The following CCDC7 variants were observed in gnomAD, a reference collection of about 807,000 sequenced individuals.
The protein encoded by CCDC7 is coiled-coil domain-containing protein 7.
In CCDC7, 183 loss-of-function variants were observed where a neutral mutation model predicts 196.9. That is an observed-to-expected ratio of 0.93 (90% CI 0.82 to 1.05). The LOEUF is 1.05. Among genes scored for constraint, CCDC7 ranks in the 50% least tolerant of loss-of-function variants. CCDC7 has a pLI of 0.00. For missense variants in CCDC7, 1,540 were observed against 1,482.2 expected, an observed-to-expected ratio of 1.04 and a Z score of -0.64; for synonymous variants, 525 against 484.6, an observed-to-expected ratio of 1.08 and a Z score of -1.10.
intron 24 of CCDC7, among the ~76,000 whole-genome samples, chr10:32,702,457 G>T (rs920584754): frequency 3.9e-5 from 6 of 152,138 alleles, no homozygotes; most frequent in African/African-American, 1.2e-4. Context: ...GTCAATTTTC[G>T]AATAGGTGTG....
intron 29 of CCDC7, among the ~76,000 whole-genome samples, chr10:32,797,703 GAA>G (rs1184022824): frequency 1.3e-5 from 2 of 151,812 alleles, no homozygotes; most frequent in African/African-American, 4.8e-5. Flanking sequence ...AAACAAAAGG[GAA>G]AAAATTTGCT....
intron 9 of CCDC7, among the ~76,000 whole-genome samples, chr10:32,492,258 T>C (rs931874812): frequency 2.6e-5 from 4 of 152,150 alleles, no homozygotes; most frequent in African/African-American, 9.7e-5. Context: ...ATGTAAAATA[T>C]GTGCTATGGG....
At chr10:32,605,926 G>A (rs1191536124) in intron 18 of CCDC7, among the ~76,000 whole-genome samples, 1 of 152,210 alleles carries the variant, frequency 6.6e-6, no homozygotes, top group Non-Finnish European at 1.5e-5. Flanking sequence ...AGCAAAAAGG[G>A]AGCCAGGTGC....
chr10:32,519,902 C>G (rs1003475972), intron 11 of CCDC7, among the ~76,000 whole-genome samples: 1 of 152,120 alleles, frequency 6.6e-6, no homozygotes, highest in South Asian at 2.1e-4. Context: ...AACCATCCTT[C>G]TATTCTCTAT....
At chr10:32,500,967 G>A (rs184673344) in intron 9 of CCDC7, among the ~76,000 whole-genome samples, 177 of 152,332 alleles carry the variant, frequency 1.2e-3, no homozygotes, top group Non-Finnish European at 2.0e-3. Context: ...AATCAGGCAG[G>A]GAGGTTGCAG....
intron 32 of CCDC7, among the ~76,000 whole-genome samples, chr10:32,829,048 T>G (rs942311853): frequency 1.3e-5 from 2 of 152,176 alleles, no homozygotes; most frequent in African/African-American, 4.8e-5. Context: ...ATTGTTGACT[T>G]GGGTGATTGA....
In CCDC7 at chr10:32,850,654, AT is replaced by A. The variant is rs1410691161; in HGVS notation, c.3896-1149del. ...CCAGGACCCCACAAATTCTTATCCAATTTTGGCATCAGTGCCAAAGACCACG... is the reference window on the plus strand; with the variant it reads ...CCAGGACCCCACAAATTCTTATCCAATTTGGCATCAGTGCCAAAGACCACG... On this transcript the variant is annotated intron_variant, in intron 39 of 41. Coordinates refer to ENST00000639629, the Ensembl canonical transcript of CCDC7. 2.0e-5 allele frequency among the ~76,000 whole-genome samples: 3 copies of A among 152,240 alleles called. No individual in the cohort carries two copies. In the East Asian group the frequency reaches 5.8e-4, roughly 29 times the overall value.
At chr10:32,824,670 C>A in intron 32 of CCDC7, 66 bp downstream of exon 33, 1 of 1,053,724 alleles carries the variant, frequency 9.5e-7, no homozygotes, top group Non-Finnish European at 1.4e-6. Context: ...AAGTATGTAT[C>A]TCTAATGACA....
Position 32,474,092 on chromosome 10 carries a change from A to T in CCDC7, c.796+69A>T, listed in dbSNP as rs761488606. 1.0e-5 allele frequency: 16 copies of T among 1,523,886 alleles called. No individual in the cohort carries two copies. The South Asian group carries it at 1.8e-4, about 17-fold the overall frequency. The allele number at this position is 1,523,886 out of a possible 1,614,324, so 94.4% of individuals were successfully genotyped here. ...GTTACATTAATTTCTATAAAGTAATAATTATTAGGTTAACAGTGCAGACTC... is the reference window on the plus strand; with the variant it reads ...GTTACATTAATTTCTATAAAGTAATTATTATTAGGTTAACAGTGCAGACTC... On this transcript the variant is annotated intron_variant, in intron 8 of 41. Transcript: ENST00000639629.
chr10:32,862,188 T>C (rs1380973694), intron 41 of CCDC7, among the ~76,000 whole-genome samples: 1 of 152,136 alleles, frequency 6.6e-6, no homozygotes, highest in African/African-American at 2.4e-5. Flanking sequence ...AGTGATAGAC[T>C]GGATGAAGAA....
chr10:32,520,054 T>C (rs1202818736), intron 11 of CCDC7, among the ~76,000 whole-genome samples: 8 of 152,142 alleles, frequency 5.3e-5, no homozygotes, highest in African/African-American at 2.4e-5. Flanking sequence ...CACAATCTCC[T>C]TTTTTATGAC....
At chr10:32,782,582 T>A (rs2081238828) in intron 29 of CCDC7, among the ~76,000 whole-genome samples, 1 of 152,220 alleles carries the variant, frequency 6.6e-6, no homozygotes, top group South Asian at 2.1e-4. Context: ...ACACCTTCAA[T>A]GCAATCTGCA....
At chr10:32,507,408 T>C (rs1416575983) in intron 9 of CCDC7, among the ~76,000 whole-genome samples, 1 of 152,206 alleles carries the variant, frequency 6.6e-6, no homozygotes, top group Non-Finnish European at 1.5e-5. Flanking sequence ...AATTTACACT[T>C]AAATATACAT....
intron 13 of CCDC7, among the ~76,000 whole-genome samples, chr10:32,562,987 C>T (rs2056038029): frequency 6.6e-6 from 1 of 152,174 alleles, no homozygotes; most frequent in South Asian, 2.1e-4. Context: ...GCAAAAATCA[C>T]AGGCATTCTT....
At chr10:32,771,689 A>G (rs1471228705) in intron 28 of CCDC7, among the ~76,000 whole-genome samples, 3 of 152,130 alleles carry the variant, frequency 2.0e-5, no homozygotes, top group Admixed American at 2.0e-4. Context: ...GTGGCAGGAG[A>G]GTCACATAGA....
chr10:32,478,353 A>G (rs376048354), intron 8 of CCDC7, among the ~76,000 whole-genome samples: 2 of 152,172 alleles, frequency 1.3e-5, no homozygotes, highest in Non-Finnish European at 2.9e-5. Context: ...GTTAAATAGC[A>G]TGGTAAAAAT....
exon 38 of CCDC7, chr10:32,847,860 C>T (rs749144031): frequency 1.2e-5 from 19 of 1,610,576 alleles, no homozygotes; most frequent in Non-Finnish European, 1.4e-5. Context: ...TTGACAAATG[C>T]CATTGGTTCA....
At chr10:32,632,866 T>C (rs938733640) in intron 18 of CCDC7, among the ~76,000 whole-genome samples, 5 of 152,186 alleles carry the variant, frequency 3.3e-5, no homozygotes, top group Non-Finnish European at 7.3e-5. Context: ...ACATATTGCA[T>C]ATCTTAGAGA....
chr10:32,501,214 G>A (rs1052168154), intron 9 of CCDC7, among the ~76,000 whole-genome samples: 1 of 151,980 alleles, frequency 6.6e-6, no homozygotes, highest in African/African-American at 2.4e-5. Flanking sequence ...CTCGTCCTGT[G>A]TTTTTCAGCT....
Sources: allele counts gnomAD v4.1 joint callset (sites outside exome capture counted in the v4.1 genomes callset), GRCh38; gene constraint gnomAD v4.1.1; transcripts MANE v1.5; gene names NCBI Gene and HGNC (gene_info 2026-07-23, HGNC 2026-07-21).